Variants in MIB2 observed in about 807,000 individuals in gnomAD.
The protein encoded by MIB2 is E3 ubiquitin-protein ligase MIB2.
In MIB2, 78 loss-of-function variants were observed where a neutral mutation model predicts 96.6. That is an observed-to-expected ratio of 0.81 (90% confidence interval 0.67 to 0.97). The LOEUF (loss-of-function observed/expected upper bound fraction) is 0.97, where lower values mean the gene tolerates loss of function less well. Ranked by LOEUF, MIB2 falls within the 50% of genes least tolerant of loss-of-function variation. The pLI, the probability that MIB2 is intolerant of heterozygous loss-of-function variation, is 0.00. For missense variants in MIB2, 1,543 were observed against 1,424.0 expected, an observed-to-expected ratio of 1.08 and a Z score of -1.35; for synonymous variants, 820 against 629.5, an observed-to-expected ratio of 1.30 and a Z score of -4.53.
At chr1:1,615,338 A>C, upstream of MIB2, 1 of 1,393,860 alleles carries the variant, frequency 7.2e-7, no homozygotes, top group South Asian at 1.6e-5. Flanking sequence ...GCCACTGCGC[A>C]GGCGCCCGGA....
rs1319758333 is a variant in MIB2 at position 1,623,516 on chromosome 1, A to C, written c.64A>C (p.Lys22Gln). Residue 22 changes from lysine to glutamine, a missense_variant, in exon 3 of 20, where the codon AAG becomes CAG. Lys to Gln is a moderately conservative substitution (Grantham distance 53). Transcript: ENST00000355826. ...GMRVVRGVDW[K>Q]WGQQDGGEGG... Reference sequence around the variant, plus strand: ...GCGGGTGGTGCGCGGCGTGGACTGGAAGTGGGGCCAGCAGGACGGCGGCGA... The same window carrying C: ...GCGGGTGGTGCGCGGCGTGGACTGGCAGTGGGGCCAGCAGGACGGCGGCGA... 1 of 1,557,984 alleles carries C rather than the reference A, an allele frequency of 6.4e-7. No homozygotes were observed. Among genetic ancestry groups the C allele is most frequent in the East Asian group, 2.4e-5 (1 of 41,844 alleles).
At chr1:1,619,489 C>T (rs372145566) in intron 2 of MIB2, among the ~76,000 whole-genome samples, 6 of 152,240 alleles carry the variant, frequency 3.9e-5, no homozygotes, top group African/African-American at 7.2e-5. Context: ...GGTTGGCAGG[C>T]GGGCAGGCAT....
At chr1:1,617,464 G>C (rs565994034) in intron 2 of MIB2, 2 of 152,256 alleles carry the variant, frequency 1.3e-5, no homozygotes, top group Admixed American at 6.5e-5. Flanking sequence ...GTGAAAAAGA[G>C]AAACTAAGCA....
In MIB2 at chr1:1,629,471, C is replaced by T; in HGVS notation, c.2468C>T (p.Ala823Val). 1 of 1,532,006 alleles carries T rather than the reference C, an allele frequency of 6.5e-7. No individual in the cohort carries two copies. The highest frequency in any genetic ancestry group is 8.7e-7 in the Non-Finnish European group (1 of 1,145,310). 94.9% of individuals were successfully genotyped at this position (1,532,006 alleles called of 1,614,324 possible). Reference sequence around the variant, plus strand: ...ACCGTGACGAACCTGCACGTGGGCGCCGCGCCGGGGCCCGAGGCCGCTGAG... The same window carrying T: ...ACCGTGACGAACCTGCACGTGGGCGTCGCGCCGGGGCCCGAGGCCGCTGAG... The part of the protein sequence containing the change: ...PNTVTNLHVG[A>V]APGPEAAECL... Residue 823 changes from alanine to valine, a missense_variant, in exon 18 of 20, where the codon GCC becomes GTC. By Grantham distance (64) the Ala-to-Val change is moderately conservative. Transcript: ENST00000355826.
intron 2 of MIB2, 41 bp from the exon 3 acceptor site, chr1:1,623,390 T>A: frequency 6.3e-7 from 1 of 1,596,820 alleles, no homozygotes; most frequent in Non-Finnish European, 8.5e-7. Flanking sequence ...TGCCCACAGG[T>A]CCCGAGCAGC....
In MIB2 at chr1:1,628,040, C is replaced by T. The variant is rs1382977578; in HGVS notation, c.1702C>T (p.Leu568=). 1 of 1,613,146 alleles carries T rather than the reference C, an allele frequency of 6.2e-7. No homozygotes were observed. Among genetic ancestry groups the T allele is most frequent in the Admixed American group, 1.7e-5 (1 of 60,022 alleles). The part of the protein sequence containing the change: ...NLPDAHSDTP[L]HSAISAGTGA... The stretch of plus-strand genomic sequence containing the variant: ...GCAGGACGCCCACTCGGACACGCCC[C>T]TGCACTCCGCCATCTCGGCGGGCAC... The change falls in exon 14 of 20, where the codon CTG becomes TTG. Residue 568 remains leucine, a synonymous_variant. Transcript: ENST00000355826.
chr1:1,624,350 C>A, intron 4 of MIB2: 1 of 381,674 alleles, frequency 2.6e-6, no homozygotes, highest in Non-Finnish European at 4.9e-6. Flanking sequence ...CTGGCCCTCC[C>A]TGCACGTGGA....
chr1:1,626,637 C>CT lies in MIB2; in HGVS notation c.973-10dup. 6.5e-7 allele frequency: 1 copy of CT among 1,541,986 alleles called. No homozygotes were observed. Among genetic ancestry groups the CT allele is most frequent in the Non-Finnish European group, 8.7e-7 (1 of 1,145,994 alleles). Reference sequence around the variant, plus strand: ...CAGCTGGGGGGCCCCTCACGCCCCTCTTTGTCGCTCAGCACCACTCCTTCT... The same window carrying CT: ...CAGCTGGGGGGCCCCTCACGCCCCTCTTTTGTCGCTCAGCACCACTCCTTCT... On this transcript the variant is annotated splice_polypyrimidine_tract_variant and intron_variant, in intron 8 of 19. Coordinates refer to ENST00000355826, the MANE Select transcript of MIB2 (RefSeq NM_001170687.4). This position sits in a 1 kb window ranked among gnomAD's most constrained non-coding sequence, Gnocchi z 5.3.
At position 1,623,438 on chromosome 1, in the gene MIB2, G is replaced by A. The variant is rs779454039; in HGVS notation, c.-15G>A. ...GGACCCCTCTGCCCACAGGTCCCGA[G>A]CAGCCCCGCCCAACATGGACCCAGA... On this transcript the variant is annotated 5_prime_UTR_variant, in exon 3 of 20. Transcript: ENST00000355826. The A allele has an allele frequency of 6.9e-6, 11 of 1,602,040 alleles. No individual in the cohort carries two copies. The highest frequency in any genetic ancestry group is 2.6e-6 in the Non-Finnish European group (3 of 1,175,948).
chr1:1,615,399 C>A (rs1643492557), upstream of MIB2: 1 of 1,450,920 alleles, frequency 6.9e-7, no homozygotes, highest in South Asian at 1.4e-5. Flanking sequence ...GCGACGCAGA[C>A]GCTCCCGCGT....
Position 1,625,244 on chromosome 1 carries a change from G to A in MIB2, c.722-42G>A. On this transcript the variant is annotated intron_variant, in intron 6 of 19. Coordinates refer to ENST00000355826, the MANE Select transcript of MIB2 (RefSeq NM_001170687.4). This position sits in a 1 kb window ranked among gnomAD's most constrained non-coding sequence, Gnocchi z 5.0. ...CCTGCCTTGGCTGAAGTCCCAGAGG[G>A]GAGGGGCCGCTGCCTGAGGCCTGGT... 6.2e-7 allele frequency: 1 copy of A among 1,601,282 alleles called. No homozygotes were observed. Among genetic ancestry groups the A allele is most frequent in the Non-Finnish European group, 8.5e-7 (1 of 1,175,108 alleles).
Position 1,626,794 on chromosome 1 carries a change from C to T in MIB2, c.1077+40C>T, listed in dbSNP as rs781540255. 56 of 1,592,344 alleles carry T rather than the reference C, an allele frequency of 3.5e-5. 2 individuals are homozygous for T. The South Asian group carries it at 3.6e-4, about 10-fold the overall frequency. On this transcript the variant is annotated intron_variant, in intron 9 of 19. Transcript: ENST00000355826. This position sits in a 1 kb window ranked among gnomAD's most constrained non-coding sequence, Gnocchi z 5.3. ...CACCCCCGCCGCTAGCGCCGCTGCCCCCCACACCTGCAGCCTGCTGTGACC... is the reference window on the plus strand; with the variant it reads ...CACCCCCGCCGCTAGCGCCGCTGCCTCCCACACCTGCAGCCTGCTGTGACC...
At chr1:1,615,770 C>T (rs1570453323) in intron 1 of MIB2, 137 bp downstream of exon 1, 1 of 1,410,728 alleles carries the variant, frequency 7.1e-7, no homozygotes, top group Non-Finnish European at 9.2e-7. Flanking sequence ...GGCGTAGGGT[C>T]CGCACGGGAT....
At position 1,628,179 on chromosome 1, in the gene MIB2, T is replaced by C. The variant is rs1315723435; in HGVS notation, c.1841T>C (p.Leu614Pro). The C allele has an allele frequency of 1.2e-6, 2 of 1,613,020 alleles. No individual in the cohort carries two copies. The highest frequency in any genetic ancestry group is 3.3e-5 in the Admixed American group (2 of 60,008). The change falls in exon 14 of 20, where the codon CTA (leucine) becomes CCA (proline). Residue 614 changes from leucine (L) to proline (P), a missense_variant and splice_region_variant. Coordinates refer to ENST00000355826, the MANE Select transcript of MIB2 (RefSeq NM_001170687.4). ...LHHASLKGHALAVRKILARAR... is the reference protein window; with the variant it reads ...LHHASLKGHAPAVRKILARAR... ...CATGCCTCCCTCAAGGGTCACGCGC[T>C]GTGAGTGTGGGGTGGGCACACAGCT...
intron 2 of MIB2, among the ~76,000 whole-genome samples, chr1:1,621,938 G>A (rs1358868145): frequency 6.6e-6 from 1 of 152,252 alleles, no homozygotes; most frequent in Non-Finnish European, 1.5e-5. Context: ...CAGAGCAGGA[G>A]TCGGGGGCTT....
intron 16 of MIB2, 56 bp from the exon 17 acceptor site, chr1:1,629,077 C>T (rs1645100606): frequency 7.2e-7 from 1 of 1,382,206 alleles, no homozygotes; most frequent in Non-Finnish European, 9.3e-7. Context: ...CCAGGAGACG[C>T]CTCCCTCGGG....
chr1:1,625,019 G>A lies in MIB2; in HGVS notation c.555G>A (p.Val185=), dbSNP rs929300540. The A allele has an allele frequency of 5.6e-6, 9 of 1,612,752 alleles. No homozygotes were observed. The highest frequency in any genetic ancestry group is 1.7e-5 in the Admixed American group (1 of 59,990). Residue 185 remains valine, a synonymous_variant, in exon 6 of 20, where the codon GTG becomes GTA. Transcript: ENST00000355826. The surrounding 1 kb of genome is among the most constrained non-coding windows in gnomAD (Gnocchi z 5.0). ...GGGAAGGGAAACCGGGCCGTGTGGT[G>A]GACATCCGTGGCTGGGATGTGGAGA... ...DGGEGKPGRV[V]DIRGWDVETG...
At chr1:1,623,074 G>T in intron 2 of MIB2, 1 of 422,916 alleles carries the variant, frequency 2.4e-6, no homozygotes, top group Non-Finnish European at 4.2e-6. Context: ...CTTTAGTGAA[G>T]TCCAGTGTCC....
chr1:1,615,295 G>A, upstream of MIB2: 2 of 1,350,902 alleles, frequency 1.5e-6, no homozygotes, highest in Non-Finnish European at 1.9e-6. Context: ...CCAAGCCCCC[G>A]TCTCTATGGC....
Sources: gnomAD v4.1 joint callset for allele counts (sites outside exome capture counted in the v4.1 genomes callset) on GRCh38, gnomAD v4.1.1 for gene constraint, Gnocchi (gnomAD v3.1) non-coding constraint, MANE v1.5 for transcripts, NCBI Gene and HGNC (gene_info 2026-07-23, HGNC 2026-07-21) for gene names.